The following PPP6R3 variants were observed in gnomAD, a reference collection of about 807,000 sequenced individuals.
The protein encoded by PPP6R3 is protein phosphatase 6 regulatory subunit 3, also known as serine/threonine-protein phosphatase 6 regulatory subunit 3.
Under a neutral mutation model 110.7 loss-of-function variants are expected in PPP6R3, and 38 were observed. That is an observed-to-expected ratio of 0.34 (90% CI 0.26 to 0.45). The LOEUF (loss-of-function observed/expected upper bound fraction) is 0.45, where lower values mean the gene tolerates loss of function less well. Ranked by LOEUF, PPP6R3 falls within the 20% of genes least tolerant of loss-of-function variation. The probability of loss-of-function intolerance (pLI) is 1.00; values close to 1 mark genes in which losing one functional copy is unlikely to be tolerated. For synonymous variants in PPP6R3, 369 were observed against 373.5 expected (o/e 0.99, Z 0.14); for missense variants, 870 against 1,062.4 (o/e 0.82, Z 2.52).
intron 16 of PPP6R3, among the ~76,000 whole-genome samples, chr11:68,590,009 G>A (rs1026725423): frequency 2.0e-5 from 3 of 152,210 alleles, no homozygotes; most frequent in Admixed American, 6.5e-5. Flanking sequence ...TTGGTGTCTC[G>A]ACATTCACGT....
chr11:68,577,822 T>C (rs1053828368), intron 14 of PPP6R3, among the ~76,000 whole-genome samples: 1 of 152,208 alleles, frequency 6.6e-6, no homozygotes, highest in East Asian at 1.9e-4. Flanking sequence ...GGTTCTTCTT[T>C]GCTTGCTCTG....
At chr11:68,528,683 C>G (rs536721388) in intron 2 of PPP6R3, among the ~76,000 whole-genome samples, 1 of 152,152 alleles carries the variant, frequency 6.6e-6, no homozygotes, top group Admixed American at 6.5e-5. Flanking sequence ...AGATAACTTC[C>G]GTGGGAGTGA....
intron 3 of PPP6R3, among the ~76,000 whole-genome samples, chr11:68,542,985 G>A (rs567787687): frequency 6.6e-6 from 1 of 152,224 alleles, no homozygotes; most frequent in African/African-American, 2.4e-5. Flanking sequence ...AGTTGAGTGA[G>A]TGCATCTCCC....
chr11:68,548,222 C>A lies in PPP6R3; in HGVS notation c.552+18C>A, dbSNP rs1444651556. The stretch of plus-strand genomic sequence containing the variant: ...TGCTGAATGTGAGTAGAATTCTGAC[C>A]TGCTGTTGACTGGGGTTAGGGTGCT... On this transcript the variant is annotated intron_variant, in intron 5 of 23. Coordinates refer to ENST00000393800, the MANE Select transcript of PPP6R3 (RefSeq NM_001164161.2). 6.2e-7 allele frequency: 1 copy of A among 1,612,948 alleles called. No individual in the cohort carries two copies. The highest frequency in any genetic ancestry group is 8.5e-7 in the Non-Finnish European group (1 of 1,179,532).
chr11:68,524,547 A>AGAACTTTCTATTGGACTTATAAT (rs2099186044), intron 2 of PPP6R3, among the ~76,000 whole-genome samples: 1 of 152,214 alleles, frequency 6.6e-6, no homozygotes, highest in Non-Finnish European at 1.5e-5. Flanking sequence ...TCGTAATATT[A>AGAACTTTCTATTGGACTTATAAT]GAACTTTCTA....
At position 68,551,051 on chromosome 11, in the gene PPP6R3, T is replaced by G. The variant is rs1401110926; in HGVS notation, c.553-70T>G. 1.1e-5 allele frequency: 12 copies of G among 1,067,408 alleles called. No homozygotes were observed. The African/African-American group carries it at 1.9e-4, about 17-fold the overall frequency. The allele number at this position is 1,067,408 out of a possible 1,614,324, so 66.1% of individuals were successfully genotyped here. A position where few individuals can be genotyped will look rare whatever the true frequency, so the allele number is the denominator to read the frequency against. On this transcript the variant is annotated intron_variant, in intron 5 of 23. Transcript: ENST00000393800. ...AAAATGTGATGGATATTTCCAAGTA[T>G]GTTAATCTACATTGGGGCTTGAACA...
intron 1 of PPP6R3, among the ~76,000 whole-genome samples, chr11:68,508,580 C>T (rs1185499075): frequency 6.6e-6 from 1 of 152,220 alleles, no homozygotes; most frequent in African/African-American, 2.4e-5. Context: ...GGATAGTTTT[C>T]ATTCCTGCTG....
chr11:68,582,125 G>A (rs2099557151), intron 14 of PPP6R3, among the ~76,000 whole-genome samples: 1 of 152,168 alleles, frequency 6.6e-6, no homozygotes. Flanking sequence ...GCAGCAGCCC[G>A]TGTCTTCCCT....
chr11:68,604,188 C>T (rs1938066814), intron 22 of PPP6R3, among the ~76,000 whole-genome samples: 1 of 152,112 alleles, frequency 6.6e-6, no homozygotes, highest in Non-Finnish European at 1.5e-5. Flanking sequence ...CATACATGAG[C>T]AATTATTCTC....
At chr11:68,517,967 G>A (rs1048612040) in intron 1 of PPP6R3, among the ~76,000 whole-genome samples, 13 of 151,540 alleles carry the variant, frequency 8.6e-5, no homozygotes, top group Non-Finnish European at 1.3e-4. Context: ...AATAAAATAC[G>A]AATCTATGAG....
At chr11:68,463,886 G>C (rs968477614) in intron 1 of PPP6R3, among the ~76,000 whole-genome samples, 10 of 152,266 alleles carry the variant, frequency 6.6e-5, no homozygotes, top group Admixed American at 6.5e-4. Flanking sequence ...TCTGGGAGTG[G>C]GCAGTGTGCT....
At chr11:68,608,508 G>T (rs1941605733) in intron 22 of PPP6R3, among the ~76,000 whole-genome samples, 1 of 152,210 alleles carries the variant, frequency 6.6e-6, no homozygotes, top group Admixed American at 6.5e-5. Context: ...GGGCTTCTTT[G>T]TAGGTAGAAA....
intron 15 of PPP6R3, among the ~76,000 whole-genome samples, chr11:68,584,324 C>T (rs1416043639): frequency 3.3e-5 from 5 of 152,172 alleles, no homozygotes; most frequent in Non-Finnish European, 7.3e-5. Flanking sequence ...TTTCCCAGAG[C>T]GCTCTGGTAT....
chr11:68,463,530 TTG>T (rs949715095), intron 1 of PPP6R3, among the ~76,000 whole-genome samples: 9 of 151,596 alleles, frequency 5.9e-5, no homozygotes, highest in Admixed American at 6.6e-5. Context: ...CTGTGTGTGT[TTG>T]TGTGTGTGTG....
At chr11:68,585,106 C>G (rs572662009) in intron 15 of PPP6R3, among the ~76,000 whole-genome samples, 2 of 152,312 alleles carry the variant, frequency 1.3e-5, no homozygotes, top group Admixed American at 1.3e-4. Context: ...GGTAACCCAG[C>G]CACGTCACCA....
intron 1 of PPP6R3, among the ~76,000 whole-genome samples, chr11:68,505,786 G>A (rs2153504567): frequency 6.6e-6 from 1 of 152,256 alleles, no homozygotes; most frequent in South Asian, 2.1e-4. Context: ...GAACTGGACA[G>A]CTCAGCCGTA....
chr11:68,606,411 C>T (rs1939920061), intron 22 of PPP6R3, among the ~76,000 whole-genome samples: 1 of 151,938 alleles, frequency 6.6e-6, no homozygotes, highest in South Asian at 2.1e-4. Context: ...ATCCTCCCAC[C>T]TCAACCTCCC....
intron 20 of PPP6R3, among the ~76,000 whole-genome samples, chr11:68,600,878 C>T (rs1295707439): frequency 6.6e-6 from 1 of 152,214 alleles, no homozygotes; most frequent in Non-Finnish European, 1.5e-5. Context: ...CACAGCACCT[C>T]TGTGTGGGGT....
chr11:68,556,403 C>CA (rs1297792480), intron 7 of PPP6R3, among the ~76,000 whole-genome samples: 4 of 151,880 alleles, frequency 2.6e-5, no homozygotes, highest in Non-Finnish European at 4.4e-5. Context: ...TTTTGAAGTT[C>CA]AAAAATTTTT....
Sources: gnomAD v4.1 joint callset for allele counts (sites outside exome capture counted in the v4.1 genomes callset) on GRCh38, gnomAD v4.1.1 for gene constraint, MANE v1.5 for transcripts, NCBI Gene and HGNC (gene_info 2026-07-23, HGNC 2026-07-21) for gene names.